Variants in KCNMA1 observed in about 807,000 individuals in gnomAD.
The protein encoded by KCNMA1 is Calcium-activated potassium channel subunit alpha-1.
A neutral mutation model predicts 140.0 loss-of-function variants in KCNMA1; 29 were observed. The ratio of observed to expected loss-of-function variants is 0.21; its 90% CI spans 0.15 to 0.28. The LOEUF (loss-of-function observed/expected upper bound fraction) is 0.28. KCNMA1 is among the 10% of genes least tolerant of loss of function. The pLI is 1.00. For missense variants in KCNMA1, 880 were observed against 1,602.2 expected, an observed-to-expected ratio of 0.55 and a Z score of 7.70; for synonymous variants, 612 against 611.9, an observed-to-expected ratio of 1.00 and a Z score of 0.00.
Position 77,318,733 on chromosome 10 carries a change from G to T in KCNMA1, c.541-67477C>A, listed in dbSNP as rs2081534153. On this transcript the variant is annotated intron_variant, in intron 2 of 27. Coordinates refer to ENST00000286628, the MANE Select transcript of KCNMA1 (RefSeq NM_001161352.2). ...GCTGCTGTCCACCTCTTGGTATCTT[G>T]GTGGACCTATTCACCAAGGGCCAAA... Among the ~76,000 whole-genome samples, 2 of 152,144 alleles carry T rather than the reference G, an allele frequency of 1.3e-5. 1 individual carries two copies. The highest frequency in any genetic ancestry group is 4.1e-4 in the South Asian group (2 of 4,822).
At chr10:77,609,402 C>T (rs945214743) in intron 1 of KCNMA1, among the ~76,000 whole-genome samples, 1 of 152,140 alleles carries the variant, frequency 6.6e-6, no homozygotes, top group East Asian at 1.9e-4. Flanking sequence ...AAGTTGAGCT[C>T]ATAGGAGCAG....
rs894416832 is a variant in KCNMA1 at position 77,083,850 on chromosome 10, G to C, written c.1523+787C>G. Among the ~76,000 whole-genome samples, 4 of 151,484 alleles carry C rather than the reference G, an allele frequency of 2.6e-5. No individual in the cohort carries two copies. In the East Asian group the frequency reaches 5.9e-4, roughly 22 times the overall value. Reference sequence around the variant, plus strand: ...ACTCTGTCTCTATGAAAAAAAACGGGGGGGGGTTGGGGGAGGTGGGAGAGG... The same window carrying C: ...ACTCTGTCTCTATGAAAAAAAACGGCGGGGGGTTGGGGGAGGTGGGAGAGG... On this transcript the variant is annotated intron_variant, in intron 12 of 27. Coordinates refer to ENST00000286628, the MANE Select transcript of KCNMA1 (RefSeq NM_001161352.2).
At chr10:77,415,696 C>T (rs1261606628) in intron 1 of KCNMA1, among the ~76,000 whole-genome samples, 1 of 152,206 alleles carries the variant, frequency 6.6e-6, no homozygotes, top group African/African-American at 2.4e-5. Flanking sequence ...GGATCCAGCC[C>T]CCAAGGAGCC....
chr10:76,935,194 A>T (rs2060239589), intron 23 of KCNMA1, among the ~76,000 whole-genome samples: 2 of 152,210 alleles, frequency 1.3e-5, no homozygotes, highest in African/African-American at 4.8e-5. Context: ...GGCTCAAAAA[A>T]TGGGGATTCA....
intron 20 of KCNMA1, among the ~76,000 whole-genome samples, chr10:76,957,127 CAAAAAAAAAAA>C (rs569115924): frequency 4.8e-4 from 34 of 71,374 alleles, no homozygotes; most frequent in Non-Finnish European, 6.9e-4. Flanking sequence ...GACTCTGTCT[CAAAAAAAAAAA>C]AAAAAAAAAA....
intron 14 of KCNMA1, among the ~76,000 whole-genome samples, chr10:77,053,273 G>A (rs1222908148): frequency 6.6e-6 from 1 of 152,202 alleles, no homozygotes; most frequent in Admixed American, 6.5e-5. Flanking sequence ...GTCAACACCA[G>A]TGCAGAGCTC....
intron 3 of KCNMA1, among the ~76,000 whole-genome samples, chr10:77,186,737 G>C (rs973742327): frequency 2.0e-5 from 3 of 151,776 alleles, no homozygotes; most frequent in Admixed American, 2.0e-4. Flanking sequence ...CAGGGTTGAA[G>C]AGACAATGCA....
chr10:77,580,113 G>T (rs1167828660), intron 1 of KCNMA1, among the ~76,000 whole-genome samples: 1 of 152,172 alleles, frequency 6.6e-6, no homozygotes. Flanking sequence ...CGAGCACCGT[G>T]GCTCATGCCT....
At chr10:76,983,009 A>G (rs1358032658) in intron 19 of KCNMA1, among the ~76,000 whole-genome samples, 1 of 152,144 alleles carries the variant, frequency 6.6e-6, no homozygotes, top group African/African-American at 2.4e-5. Context: ...AGCCAGGTAA[A>G]TTTACCCTGA....
intron 3 of KCNMA1, among the ~76,000 whole-genome samples, chr10:77,208,902 A>G (rs2154170415): frequency 6.6e-6 from 1 of 152,312 alleles, no homozygotes; most frequent in Non-Finnish European, 1.5e-5. Flanking sequence ...CAACTGCTGT[A>G]AGATCCTGGG....
chr10:77,021,331 C>T (rs1367589615), intron 16 of KCNMA1, among the ~76,000 whole-genome samples: 2 of 152,128 alleles, frequency 1.3e-5, no homozygotes, highest in Non-Finnish European at 2.9e-5. Flanking sequence ...GCTTACAATG[C>T]CTCTAAGAGA....
intron 1 of KCNMA1, among the ~76,000 whole-genome samples, chr10:77,615,783 G>A (rs111691636): frequency 0.022 from 3,355 of 152,162 alleles, 51 homozygotes; most frequent in Non-Finnish European, 0.031. Flanking sequence ...CTCACTGTCC[G>A]TCTTGGTGCT....
chr10:77,004,846 T>A (rs1315297241), intron 18 of KCNMA1, among the ~76,000 whole-genome samples: 4 of 152,196 alleles, frequency 2.6e-5, no homozygotes, highest in Non-Finnish European at 4.4e-5. Flanking sequence ...TTTCCTTTTC[T>A]AGAGCTGATT....
intron 2 of KCNMA1, among the ~76,000 whole-genome samples, chr10:77,399,624 G>A (rs1393842378): frequency 4.6e-5 from 7 of 152,016 alleles, no homozygotes; most frequent in Non-Finnish European, 8.8e-5. Context: ...ATCTGGAGCC[G>A]GGGGGTCAAG....
intron 3 of KCNMA1, among the ~76,000 whole-genome samples, chr10:77,237,180 T>G (rs569019686): frequency 6.6e-6 from 1 of 152,232 alleles, no homozygotes; most frequent in Admixed American, 6.5e-5. Flanking sequence ...TATCTAATAC[T>G]TTTTTTGGTC....
intron 1 of KCNMA1, among the ~76,000 whole-genome samples, chr10:77,488,900 GAC>G (rs2098497106): frequency 6.6e-6 from 1 of 152,178 alleles, no homozygotes; most frequent in Admixed American, 6.5e-5. Flanking sequence ...TATAAAAAGG[GAC>G]AGTTTGGCCA....
At chr10:77,266,283 C>T (rs891071099) in intron 2 of KCNMA1, among the ~76,000 whole-genome samples, 2 of 152,056 alleles carry the variant, frequency 1.3e-5, no homozygotes, top group Admixed American at 6.6e-5. Flanking sequence ...GAAGAATGTC[C>T]ACATGACTTC....
chr10:77,329,181 T>C (rs180793330), intron 2 of KCNMA1, among the ~76,000 whole-genome samples: 2 of 152,300 alleles, frequency 1.3e-5, no homozygotes, highest in African/African-American at 4.8e-5. Context: ...TCCCCACCTC[T>C]TATACCCTGA....
At chr10:77,570,930 CA>C (rs376767570) in intron 1 of KCNMA1, among the ~76,000 whole-genome samples, 152 of 145,026 alleles carry the variant, frequency 1.0e-3, no homozygotes, top group African/African-American at 3.4e-3. Flanking sequence ...GACTCTGTCT[CA>C]AAAAAAAAAA....
Sources: gnomAD v4.1 joint callset for allele counts (sites outside exome capture counted in the v4.1 genomes callset) on GRCh38, gnomAD v4.1.1 for gene constraint, MANE v1.5 for transcripts, NCBI Gene and HGNC (gene_info 2026-07-23, HGNC 2026-07-21) for gene names.